The following DACH2 variants were observed in gnomAD, a reference collection of about 807,000 sequenced individuals.
DACH2 encodes the protein dachshund homolog 2.
Under a neutral mutation model 35.8 loss-of-function variants are expected in DACH2, and 17 were observed. The ratio of observed to expected loss-of-function variants is 0.48; its 90% CI spans 0.33 to 0.71. The LOEUF (loss-of-function observed/expected upper bound fraction) is 0.71. Ranked by LOEUF, DACH2 falls within the 30% of genes least tolerant of loss-of-function variation. The pLI is 0.02. For missense variants in DACH2, 469 were observed against 472.7 expected (o/e 0.99, Z 0.07); for synonymous variants, 195 against 177.3 (o/e 1.10, Z -0.79).
chrX:86,765,170 T>C (rs969430572), intron 7 of DACH2, among the ~76,000 whole-genome samples: 3 of 111,610 alleles, frequency 2.7e-5, no homozygotes, highest in Non-Finnish European at 3.8e-5. Context: ...TCCCCTTCTG[T>C]AGGTTGTCTG....
At chrX:86,317,147 C>A (rs1360662154) in intron 1 of DACH2, among the ~76,000 whole-genome samples, 1 of 109,099 alleles carries the variant, frequency 9.2e-6, no homozygotes, top group Non-Finnish European at 1.9e-5. Flanking sequence ...ATATAAGGTC[C>A]AAATGTGAGT....
chrX:86,738,457 T>C (rs954849046), intron 6 of DACH2, among the ~76,000 whole-genome samples: 1 of 112,173 alleles, frequency 8.9e-6, no homozygotes, highest in Non-Finnish European at 1.9e-5. Context: ...ATTAGAATAA[T>C]GATGTGATTA....
intron 1 of DACH2, among the ~76,000 whole-genome samples, chrX:86,304,116 G>T (rs1336667316): frequency 1.8e-5 from 2 of 112,001 alleles, no homozygotes; most frequent in African/African-American, 3.2e-5. Context: ...AACACACAAT[G>T]GGGGAAAGAA....
chrX:86,539,147 G>T (rs1418986931), intron 3 of DACH2, among the ~76,000 whole-genome samples: 1 of 111,021 alleles, frequency 9.0e-6, no homozygotes, highest in Non-Finnish European at 1.9e-5. Context: ...GATCATGGGA[G>T]TGGTTTCCCC....
At position 86,395,707 on chromosome X, in the gene DACH2, G is replaced by A. The variant is rs1035411675; in HGVS notation, c.527+18845G>A. On this transcript the variant is annotated intron_variant, in intron 2 of 11. Transcript: ENST00000373125. Reference sequence around the variant, plus strand: ...CCAGCTTCATCCATGTCCCTACAAAGGACATGAACTTATCACTTTTTATGG... The same window carrying A: ...CCAGCTTCATCCATGTCCCTACAAAAGACATGAACTTATCACTTTTTATGG... 1.4e-3 allele frequency among the ~76,000 whole-genome samples: 158 copies of A among 111,823 alleles called. 1 individual carries two copies. Among genetic ancestry groups the A allele is most frequent in the African/African-American group, 4.8e-3 (149 of 30,729 alleles).
chrX:86,661,389 T>C, intron 4 of DACH2, among the ~76,000 whole-genome samples: 1 of 112,621 alleles, frequency 8.9e-6, no homozygotes, highest in East Asian at 2.8e-4. Context: ...GTACTCTCTG[T>C]ATGGATTTAC....
intron 2 of DACH2, among the ~76,000 whole-genome samples, chrX:86,388,586 C>T (rs1308166449): frequency 9.0e-6 from 1 of 111,385 alleles, no homozygotes; most frequent in Non-Finnish European, 1.9e-5. Flanking sequence ...GGAAATGCTA[C>T]GTTAATATTT....
At chrX:86,783,038 A>G (rs963166088) in intron 7 of DACH2, among the ~76,000 whole-genome samples, 2 of 111,975 alleles carry the variant, frequency 1.8e-5, no homozygotes, top group African/African-American at 3.2e-5. Context: ...TAATAACCAG[A>G]ATATATAATA....
intron 1 of DACH2, among the ~76,000 whole-genome samples, chrX:86,340,247 C>T (rs774299113): frequency 3.6e-5 from 4 of 111,240 alleles, no homozygotes; most frequent in African/African-American, 6.5e-5. Flanking sequence ...TCTATCAGTG[C>T]CATTTTCCAA....
At chrX:86,417,089 C>CAA (rs386417185) in intron 2 of DACH2, among the ~76,000 whole-genome samples, 3,815 of 22,940 alleles carry the variant, frequency 0.17, 1,073 homozygotes, top group South Asian at 0.38. Flanking sequence ...GACTCCATCT[C>CAA]AAAAAAAAAA....
At chrX:86,646,780 A>C (rs1011366781) in intron 3 of DACH2, among the ~76,000 whole-genome samples, 1 of 110,095 alleles carries the variant, frequency 9.1e-6, no homozygotes, top group African/African-American at 3.3e-5. Context: ...CCTTATCTCT[A>C]TGCAATATAT....
At chrX:86,794,496 C>T (rs375749321) in intron 7 of DACH2, among the ~76,000 whole-genome samples, 3 of 110,089 alleles carry the variant, frequency 2.7e-5, no homozygotes, top group South Asian at 3.9e-4. Flanking sequence ...AGTCTAAGCA[C>T]GGAAAAACAT....
At chrX:86,640,164 G>A (rs2040327644) in intron 3 of DACH2, among the ~76,000 whole-genome samples, 1 of 110,555 alleles carries the variant, frequency 9.0e-6, no homozygotes, top group African/African-American at 3.3e-5. Context: ...CATCTGGCAG[G>A]CCCTCCAGCC....
chrX:86,432,203 C>A (rs756388960), intron 2 of DACH2, among the ~76,000 whole-genome samples: 2 of 112,269 alleles, frequency 1.8e-5, no homozygotes, highest in Non-Finnish European at 3.8e-5. Flanking sequence ...ATATCAGAAT[C>A]TTGGAATGGT....
chrX:86,823,190 C>T (rs998061246), intron 11 of DACH2, among the ~76,000 whole-genome samples: 6 of 111,561 alleles, frequency 5.4e-5, no homozygotes, highest in Non-Finnish European at 1.1e-4. Flanking sequence ...CCGCCTCAGC[C>T]TCTCAAAATG....
intron 2 of DACH2, among the ~76,000 whole-genome samples, chrX:86,416,774 G>A (rs928092437): frequency 1.2e-4 from 13 of 110,305 alleles, no homozygotes; most frequent in Admixed American, 1.9e-4. Flanking sequence ...AGAGAGAGAG[G>A]GGAGGGAATT....
At chrX:86,669,352 C>T (rs116255580) in intron 4 of DACH2, among the ~76,000 whole-genome samples, 20 of 110,658 alleles carry the variant, frequency 1.8e-4, no homozygotes, top group African/African-American at 6.2e-4. Flanking sequence ...ATGTTGCATT[C>T]GTTTGCTTTC....
intron 1 of DACH2, among the ~76,000 whole-genome samples, chrX:86,162,899 TA>T (rs1221693163): frequency 4.5e-5 from 5 of 111,049 alleles, no homozygotes; most frequent in African/African-American, 1.6e-4. Flanking sequence ...ATTTTTAAGT[TA>T]TTTTTTAAAA....
intron 3 of DACH2, among the ~76,000 whole-genome samples, chrX:86,523,182 A>T (rs1463822324): frequency 1.8e-5 from 2 of 111,945 alleles, no homozygotes; most frequent in Non-Finnish European, 3.8e-5. Flanking sequence ...GCCCATGAAG[A>T]TTCAATTCAG....
Sources: gnomAD v4.1 joint callset for allele counts (sites outside exome capture counted in the v4.1 genomes callset) on GRCh38, gnomAD v4.1.1 for gene constraint, MANE v1.5 for transcripts, NCBI Gene and HGNC (gene_info 2026-07-23, HGNC 2026-07-21) for gene names.